POLR1D: variants seen among roughly 807,000 people sequenced by gnomAD.
The protein encoded by POLR1D is DNA-directed RNA polymerases I and III subunit RPAC2.
In POLR1D, 8 loss-of-function variants were observed where a neutral mutation model predicts 10.8. The observed-to-expected ratio is 0.74, with a 90% CI of 0.43 to 1.33. The LOEUF (loss-of-function observed/expected upper bound fraction) is 1.33. Among genes scored for constraint, POLR1D ranks in the 40% most tolerant of loss-of-function variants. POLR1D has a pLI of 0.01. For synonymous variants in POLR1D, 54 were observed against 57.2 expected, an observed-to-expected ratio of 0.94 and a Z score of 0.25; for missense variants, 152 against 161.7, an observed-to-expected ratio of 0.94 and a Z score of 0.32.
At chr13:27,639,505 C>T (rs1593284742) in intron 1 of POLR1D, among the ~76,000 whole-genome samples, 1 of 152,144 alleles carries the variant, frequency 6.6e-6, no homozygotes, top group East Asian at 1.9e-4. Context: ...TTTACCATAG[C>T]ACATTTACTC....
chr13:27,626,627 G>C (rs577222149), downstream of POLR1D, among the ~76,000 whole-genome samples: 1 of 152,306 alleles, frequency 6.6e-6, no homozygotes, highest in Admixed American at 6.5e-5. Flanking sequence ...ATCCGCATCT[G>C]ATTTGCACTC....
At chr13:27,650,237 A>G (rs182061371) in intron 2 of POLR1D, 1 of 389,010 alleles carries the variant, frequency 2.6e-6, no homozygotes, top group Non-Finnish European at 4.5e-6. Flanking sequence ...GGTTTCATTA[A>G]ATAGGTTTGA....
chr13:27,621,831 C>G (rs1304332046), upstream of POLR1D: 4 of 766,404 alleles, frequency 5.2e-6, no homozygotes, highest in Middle Eastern at 4.7e-4. Context: ...CGGCTGGGCC[C>G]TGCCGCGCCG....
chr13:27,634,901 C>T (rs142243715), intron 1 of POLR1D, among the ~76,000 whole-genome samples: 27 of 152,158 alleles, frequency 1.8e-4, no homozygotes, highest in African/African-American at 6.3e-4. Context: ...TCTCGAACTC[C>T]TGAGCTCAAC....
chr13:27,634,117 T>C lies in POLR1D; in HGVS notation c.26+12108T>C, dbSNP rs544373494. 2.2e-4 allele frequency among the ~76,000 whole-genome samples: 34 copies of C among 152,332 alleles called. No homozygotes were observed. The South Asian group carries it at 7.0e-3, about 32-fold the overall frequency. On this transcript the variant is annotated intron_variant, in intron 1 of 2. Coordinates refer to the POLR1D transcript ENST00000399697. ...ACATGGCAAAGACTGCAGTTTGTCCTTAAATGGATGGAAAATATTAGGGAT... is the reference window on the plus strand; with the variant it reads ...ACATGGCAAAGACTGCAGTTTGTCCCTAAATGGATGGAAAATATTAGGGAT...
intron 2 of POLR1D, chr13:27,664,864 C>G (rs1468180740): frequency 5.3e-5 from 8 of 152,220 alleles, no homozygotes; most frequent in Admixed American, 3.9e-4. Flanking sequence ...AGTAGCCCAT[C>G]ATATGGCAGA....
At chr13:27,666,799 A>G (rs1167309830) in exon 3 of POLR1D, 1 of 152,104 alleles carries the variant, frequency 6.6e-6, no homozygotes, top group African/African-American at 2.4e-5. Context: ...GGTTTTCAAT[A>G]CCTGTTTTCA....
chr13:27,641,046 T>C (rs1438912901), intron 1 of POLR1D, among the ~76,000 whole-genome samples: 2 of 152,322 alleles, frequency 1.3e-5, no homozygotes, highest in Middle Eastern at 3.4e-3. Flanking sequence ...TTTCATTGTA[T>C]TGTTATTTTT....
intron 1 of POLR1D, among the ~76,000 whole-genome samples, chr13:27,628,995 G>GT (rs1956046664): frequency 6.6e-6 from 1 of 151,950 alleles, no homozygotes; most frequent in African/African-American, 2.4e-5. Flanking sequence ...GTTTGTTTTT[G>GT]TTTTTTTGTG....
At chr13:27,632,769 A>C (rs1956087097) in intron 1 of POLR1D, among the ~76,000 whole-genome samples, 1 of 151,930 alleles carries the variant, frequency 6.6e-6, no homozygotes, top group Non-Finnish European at 1.5e-5. Flanking sequence ...CCTCAAACAC[A>C]CACACTGTAA....
At chr13:27,655,060 A>G (rs1956296643) in intron 2 of POLR1D, among the ~76,000 whole-genome samples, 1 of 152,212 alleles carries the variant, frequency 6.6e-6, no homozygotes, top group Admixed American at 6.5e-5. Context: ...AAAACAAGGA[A>G]AATAACTAGG....
rs2232679 is a variant in POLR1D, at chr13:27,621,896, G to C, written c.-88G>C. The C allele has an allele frequency of 0.12, 165,700 of 1,418,632 alleles. 10,075 individuals carry two copies. The highest frequency in any genetic ancestry group is 0.16 in the African/African-American group (11,444 of 70,896). The allele number at this position is 1,418,632 out of a possible 1,614,324, so 87.9% of individuals were successfully genotyped here. A position where few individuals can be genotyped will look rare whatever the true frequency, so the allele number is the denominator to read the frequency against. ...CCGCGCCTTCCGTCGGTCGGTCCTT[G>C]CTTCCTGCTTCGCCTCCGCGCCTCG... On this transcript the variant is annotated 5_prime_UTR_variant, in exon 1 of 2. Transcript: ENST00000302979.
At chr13:27,654,941 A>G (rs1414928464) in intron 2 of POLR1D, among the ~76,000 whole-genome samples, 1 of 152,192 alleles carries the variant, frequency 6.6e-6, no homozygotes, top group Admixed American at 6.5e-5. Context: ...AAACTATGGA[A>G]ATAGCTTTGA....
chr13:27,636,962 A>C (rs17815885), intron 1 of POLR1D, among the ~76,000 whole-genome samples: 779 of 44,216 alleles, frequency 0.018, 4 homozygotes, highest in African/African-American at 0.028. Flanking sequence ...AGTTTGTGAT[A>C]TTTTTTAAAA....
At chr13:27,624,308 A>G (rs1955986125), downstream of POLR1D, among the ~76,000 whole-genome samples, 1 of 152,152 alleles carries the variant, frequency 6.6e-6, no homozygotes, top group Non-Finnish European at 1.5e-5. Flanking sequence ...CACTAAACCA[A>G]CTTGGAGGTC....
chr13:27,652,625 C>G (rs947294967), intron 2 of POLR1D, among the ~76,000 whole-genome samples: 1 of 144,360 alleles, frequency 6.9e-6, no homozygotes, highest in Admixed American at 7.2e-5. Flanking sequence ...AATCCCAGCA[C>G]TTTGGGAGGC....
At chr13:27,635,026 T>C (rs2059198887) in intron 1 of POLR1D, among the ~76,000 whole-genome samples, 1 of 152,142 alleles carries the variant, frequency 6.6e-6, no homozygotes, top group African/African-American at 2.4e-5. Flanking sequence ...CTTGGACTCA[T>C]AAAGATAACA....
intron 1 of POLR1D, among the ~76,000 whole-genome samples, chr13:27,640,800 G>A (rs982879825): frequency 4.6e-5 from 7 of 151,884 alleles, no homozygotes; most frequent in South Asian, 4.2e-4. Flanking sequence ...AGTATCCCTG[G>A]GGGATTGCTT....
chr13:27,642,394 G>T (rs1286030207), intron 1 of POLR1D, among the ~76,000 whole-genome samples: 2 of 152,220 alleles, frequency 1.3e-5, no homozygotes, highest in East Asian at 1.9e-4. Context: ...TGTTTGTTTG[G>T]CCACTACAGG....
Sources: gnomAD v4.1 joint callset for allele counts (sites outside exome capture counted in the v4.1 genomes callset) on GRCh38, gnomAD v4.1.1 for gene constraint, MANE v1.5 for transcripts, NCBI Gene and HGNC (gene_info 2026-07-23, HGNC 2026-07-21) for gene names.